Variants in COL5A2 observed in about 807,000 individuals in gnomAD.
COL5A2 encodes collagen alpha-2(V) chain.
Under a neutral mutation model 208.2 loss-of-function variants are expected in COL5A2, and 23 were observed. That is an observed-to-expected ratio of 0.11 (90% confidence interval 0.08 to 0.16). The LOEUF is 0.16. COL5A2 is among the 10% of genes least tolerant of loss of function. COL5A2 has a pLI of 1.00. For synonymous variants in COL5A2, 625 were observed against 628.5 expected (o/e 0.99, Z 0.08); for missense variants, 1,590 against 1,956.4 (o/e 0.81, Z 3.53).
At chr2:189,357,257 A>G in the COL5A2 span, among the ~76,000 whole-genome samples, 3 of 152,262 alleles carry the variant, frequency 2.0e-5, no homozygotes, top group East Asian at 3.9e-4. Context: ...CAGAACTCGA[A>G]TGCTGTGCTG....
At chr2:189,427,298 G>A in the COL5A2 span, among the ~76,000 whole-genome samples, 1 of 152,252 alleles carries the variant, frequency 6.6e-6, no homozygotes, top group South Asian at 2.1e-4. Context: ...TCCACATGGT[G>A]TTAAACCTGT....
chr2:189,329,220 G>A, the COL5A2 span, among the ~76,000 whole-genome samples: 1 of 152,126 alleles, frequency 6.6e-6, no homozygotes, highest in African/African-American at 2.4e-5. Flanking sequence ...AATAAGCCAG[G>A]CAGAGAAAGA....
intron 31 of COL5A2, among the ~76,000 whole-genome samples, chr2:189,059,926 A>C (rs141073248): frequency 0.013 from 2,030 of 152,088 alleles, 21 homozygotes; most frequent in South Asian, 0.039. Flanking sequence ...AATGATGAAG[A>C]ACAAATTAGA....
At position 189,033,610 on chromosome 2, in the gene COL5A2, G is replaced by T; in HGVS notation, c.*460C>A. The T allele has an allele frequency of 5.5e-6, 1 of 181,254 alleles. No homozygotes were observed. Among genetic ancestry groups the T allele is most frequent in the Non-Finnish European group, 1.2e-5 (1 of 84,122 alleles). 11.2% of individuals were successfully genotyped at this position (181,254 alleles called of 1,614,324 possible). On this transcript the variant is annotated 3_prime_UTR_variant, in exon 54 of 54. Transcript: ENST00000374866. Reference sequence around the variant, plus strand: ...TTAATTGACAATCTTGGAATGAGAGGTCACAAAAGGGCACTAATTTCTATT... The same window carrying T: ...TTAATTGACAATCTTGGAATGAGAGTTCACAAAAGGGCACTAATTTCTATT...
chr2:189,280,304 G>T, the COL5A2 span, among the ~76,000 whole-genome samples: 14 of 151,960 alleles, frequency 9.2e-5, no homozygotes, highest in African/African-American at 3.4e-4. Flanking sequence ...TTCATGATCC[G>T]TGTGCTTTCC....
At chr2:189,065,491 T>C (rs914881518) in intron 23 of COL5A2, among the ~76,000 whole-genome samples, 17 of 151,244 alleles carry the variant, frequency 1.1e-4, no homozygotes, top group Non-Finnish European at 2.2e-4. Flanking sequence ...ATGGTGCCAC[T>C]GCACTCCAGC....
At chr2:189,284,771 G>A in the COL5A2 span, among the ~76,000 whole-genome samples, 3 of 152,142 alleles carry the variant, frequency 2.0e-5, no homozygotes, top group African/African-American at 7.2e-5. Context: ...AAAACATACA[G>A]TGTACTTATA....
chr2:189,409,667 T>C, the COL5A2 span, among the ~76,000 whole-genome samples: 1 of 152,196 alleles, frequency 6.6e-6, no homozygotes, highest in South Asian at 2.1e-4. Flanking sequence ...ATTATTTTAA[T>C]GGAAAAATAA....
chr2:189,130,256 T>G (rs1687685261), intron 1 of COL5A2, among the ~76,000 whole-genome samples: 1 of 152,060 alleles, frequency 6.6e-6, no homozygotes, highest in Admixed American at 6.6e-5. Context: ...GACTATTTAC[T>G]CCAAATCCTT....
chr2:189,204,057 C>T (rs1480813705), intron 1 of COL5A2, among the ~76,000 whole-genome samples: 1 of 152,104 alleles, frequency 6.6e-6, no homozygotes, highest in African/African-American at 2.4e-5. Flanking sequence ...GCCACCACGC[C>T]CGGCTAATTT....
intron 2 of COL5A2, 36 bp from the exon 3 acceptor site, chr2:189,104,313 A>C (rs2105699408): frequency 1.5e-6 from 2 of 1,369,730 alleles, no homozygotes; most frequent in African/African-American, 1.4e-5. Flanking sequence ...TTATTTTATG[A>C]GGAAACAATT....
chr2:189,373,725 C>T, the COL5A2 span, among the ~76,000 whole-genome samples: 1 of 151,966 alleles, frequency 6.6e-6, no homozygotes, highest in Non-Finnish European at 1.5e-5. Context: ...ATATGTGAAA[C>T]TAAATCCAGT....
intron 1 of COL5A2, among the ~76,000 whole-genome samples, chr2:189,199,538 A>T (rs1689045933): frequency 3.9e-5 from 6 of 152,216 alleles, no homozygotes. Context: ...AGATGTTTAT[A>T]ACCAAAGCAG....
chr2:189,254,593 A>G, the COL5A2 span, among the ~76,000 whole-genome samples: 1 of 152,182 alleles, frequency 6.6e-6, no homozygotes, highest in Non-Finnish European at 1.5e-5. Context: ...CACTTCTTCT[A>G]TGCTCTAGTG....
intron 33 of COL5A2, 60 bp downstream of exon 33, chr2:189,058,369 G>T: frequency 8.2e-7 from 1 of 1,225,556 alleles, no homozygotes. Flanking sequence ...ACACCATCAT[G>T]CGTTTATTAA....
intron 1 of COL5A2, among the ~76,000 whole-genome samples, chr2:189,157,820 C>G (rs1475688270): frequency 6.6e-6 from 1 of 151,922 alleles, no homozygotes; most frequent in African/African-American, 2.4e-5. Flanking sequence ...GAAATCACTG[C>G]AATAATAAAC....
intron 2 of COL5A2, among the ~76,000 whole-genome samples, chr2:189,107,102 CTCTT>C (rs1308445182): frequency 2.0e-5 from 3 of 151,438 alleles, no homozygotes; most frequent in African/African-American, 4.8e-5. Flanking sequence ...AGTTTGCTGT[CTCTT>C]TCAATGTTCA....
chr2:189,338,690 AATT>A, the COL5A2 span, among the ~76,000 whole-genome samples: 58 of 148,100 alleles, frequency 3.9e-4, no homozygotes, highest in Admixed American at 8.8e-4. Context: ...TTAAAATAAA[AATT>A]ATTATTTTAT....
chr2:189,282,596 C>A, the COL5A2 span, among the ~76,000 whole-genome samples: 3 of 152,300 alleles, frequency 2.0e-5, no homozygotes, highest in African/African-American at 7.2e-5. Context: ...AGAGGACACA[C>A]TAACACTAAG....
Sources: gnomAD v4.1 joint callset for allele counts (sites outside exome capture counted in the v4.1 genomes callset) on GRCh38, gnomAD v4.1.1 for gene constraint, MANE v1.5 for transcripts, NCBI Gene and HGNC (gene_info 2026-07-23, HGNC 2026-07-21) for gene names.